RBX1: variants seen among roughly 807,000 people sequenced by gnomAD.
RBX1 encodes E3 ubiquitin-protein ligase RBX1.
For missense variants in RBX1, 46 were observed against 141.4 expected, an observed-to-expected ratio of 0.33 and a Z score of 3.42; for synonymous variants, 48 against 47.9, an observed-to-expected ratio of 1.00 and a Z score of -0.01.
At chr22:40,970,466 TTTC>T (rs1172737653) in intron 4 of RBX1, among the ~76,000 whole-genome samples, 1 of 152,188 alleles carries the variant, frequency 6.6e-6, no homozygotes, top group African/African-American at 2.4e-5. Flanking sequence ...AGAACTCCCC[TTTC>T]TTCATTTCCT....
chr22:40,960,984 G>A (rs900114869), intron 2 of RBX1, among the ~76,000 whole-genome samples: 3 of 151,526 alleles, frequency 2.0e-5, no homozygotes, highest in African/African-American at 7.3e-5. Flanking sequence ...GGCTGGTCTC[G>A]AACTCCTGAC....
intron 2 of RBX1, among the ~76,000 whole-genome samples, chr22:40,963,031 C>T (rs2058345426): frequency 1.3e-5 from 2 of 149,680 alleles, no homozygotes; most frequent in South Asian, 2.1e-4. Context: ...TTAGTAGAGA[C>T]AGGTTTCACC....
chr22:40,964,492 A>T, intron 3 of RBX1: 1 of 197,068 alleles, frequency 5.1e-6, no homozygotes, highest in Non-Finnish European at 1.1e-5. Flanking sequence ...ACTAAGTTTG[A>T]TGAGTAAATT....
At chr22:40,961,057 C>G (rs1601536725) in intron 2 of RBX1, among the ~76,000 whole-genome samples, 3 of 150,994 alleles carry the variant, frequency 2.0e-5, no homozygotes, top group East Asian at 3.9e-4. Flanking sequence ...AGCCACCACG[C>G]CCGGCCGAGC....
At chr22:40,961,787 C>CTCTG (rs534814516) in intron 2 of RBX1, among the ~76,000 whole-genome samples, 2 of 149,240 alleles carry the variant, frequency 1.3e-5, no homozygotes, top group Admixed American at 6.7e-5. Context: ...TTTGCTTTCT[C>CTCTG]TGTGTGTGTG....
chr22:40,962,219 A>AGAG (rs2058342678), intron 2 of RBX1, among the ~76,000 whole-genome samples: 1 of 151,964 alleles, frequency 6.6e-6, no homozygotes, highest in African/African-American at 2.4e-5. Context: ...CTCCTACCTC[A>AGAG]GCCTCCCAAG....
At chr22:40,954,589 A>G (rs2058320100) in intron 2 of RBX1, among the ~76,000 whole-genome samples, 1 of 152,160 alleles carries the variant, frequency 6.6e-6, no homozygotes, top group Non-Finnish European at 1.5e-5. Context: ...GGGAACTAAA[A>G]TGATTTGTTA....
chr22:40,965,691 C>T (rs2058352506), intron 3 of RBX1, among the ~76,000 whole-genome samples: 1 of 152,156 alleles, frequency 6.6e-6, no homozygotes, highest in Admixed American at 6.5e-5. Context: ...ATCTGCCAGC[C>T]TCGGCCTCCC....
chr22:40,964,159 A>AT, intron 3 of RBX1, 42 bp downstream of exon 3: 1 of 1,466,810 alleles, frequency 6.8e-7, no homozygotes, highest in Non-Finnish European at 9.5e-7. Flanking sequence ...TTGTAAACAT[A>AT]TTTCCACTTT....
chr22:40,971,594 C>T (rs1950075089), intron 4 of RBX1, among the ~76,000 whole-genome samples: 1 of 152,110 alleles, frequency 6.6e-6, no homozygotes, highest in Non-Finnish European at 1.5e-5. Flanking sequence ...CTCACTGTGT[C>T]ACCTAGGCTG....
chr22:40,970,387 GATAA>G (rs1444148097), intron 4 of RBX1, among the ~76,000 whole-genome samples: 3 of 148,282 alleles, frequency 2.0e-5, no homozygotes, highest in Non-Finnish European at 4.5e-5. Flanking sequence ...TTTTGTTTTT[GATAA>G]ATAGTGTCAG....
chr22:40,953,136 AC>A (rs978644981), intron 1 of RBX1, among the ~76,000 whole-genome samples: 4 of 151,320 alleles, frequency 2.6e-5, no homozygotes, highest in African/African-American at 9.7e-5. Context: ...TATTATAGAC[AC>A]CCGCCACCAG....
intron 2 of RBX1, among the ~76,000 whole-genome samples, chr22:40,960,779 GATGGAGTCTCGCT>G (rs1358043544): frequency 6.6e-5 from 10 of 151,962 alleles, no homozygotes; most frequent in African/African-American, 2.4e-4. Context: ...TTGTTTTTAA[GATGGAGTCTCGCT>G]CTTTCACCCA....
At chr22:40,953,444 G>T in intron 1 of RBX1, 111 bp from the exon 2 acceptor site, 1 of 717,134 alleles carries the variant, frequency 1.4e-6, no homozygotes, top group South Asian at 1.5e-5. Context: ...CTTTTGTTTG[G>T]TGGTTCCCTG....
At chr22:40,971,128 G>C (rs949197504) in intron 4 of RBX1, among the ~76,000 whole-genome samples, 2 of 152,146 alleles carry the variant, frequency 1.3e-5, no homozygotes, top group East Asian at 3.8e-4. Flanking sequence ...GAATGGTCTC[G>C]TTTTGCCAGT....
chr22:40,964,182 A>G, intron 3 of RBX1, 65 bp downstream of exon 3: 1 of 1,279,052 alleles, frequency 7.8e-7, no homozygotes, highest in South Asian at 1.2e-5. Flanking sequence ...CTGCTTTGCT[A>G]GTCTTGAAAA....
At chr22:40,963,956 TA>T in intron 2 of RBX1, 90 bp from the exon 3 acceptor site, 1 of 902,804 alleles carries the variant, frequency 1.1e-6, no homozygotes, top group Non-Finnish European at 1.8e-6. Flanking sequence ...CAATTATGGC[TA>T]ATTAACCACT....
At chr22:40,951,838 C>T (rs1216940126) in intron 1 of RBX1, among the ~76,000 whole-genome samples, 1 of 151,864 alleles carries the variant, frequency 6.6e-6, no homozygotes, top group Non-Finnish European at 1.5e-5. Context: ...GGAGTCGAAG[C>T]GAATGCGGCG....
chr22:40,961,752 G>C (rs184478752), intron 2 of RBX1, among the ~76,000 whole-genome samples: 2 of 151,794 alleles, frequency 1.3e-5, no homozygotes, highest in African/African-American at 4.8e-5. Context: ...TCTGTAGTGT[G>C]AATCTGGCTA....
Sources: allele counts gnomAD v4.1 joint callset (sites outside exome capture counted in the v4.1 genomes callset), GRCh38; gene constraint gnomAD v4.1.1; transcripts MANE v1.5; gene names NCBI Gene and HGNC (gene_info 2026-07-23, HGNC 2026-07-21).